Variants in MCC observed in about 807,000 individuals in gnomAD.
MCC encodes the protein colorectal mutant cancer protein.
Under a neutral mutation model 116.2 loss-of-function variants are expected in MCC, and 90 were observed. The ratio of observed to expected loss-of-function variants is 0.77; its 90% CI spans 0.65 to 0.92. The LOEUF is 0.92. Among genes scored for constraint, MCC ranks in the 40% least tolerant of loss-of-function variants. MCC has a pLI of 0.00. For synonymous variants in MCC, 578 were observed against 510.5 expected (o/e 1.13, Z -1.78); for missense variants, 1,516 against 1,312.2 (o/e 1.16, Z -2.40).
intron 3 of MCC, among the ~76,000 whole-genome samples, chr5:113,245,040 C>T (rs1335963644): frequency 6.6e-6 from 1 of 152,162 alleles, no homozygotes; most frequent in African/African-American, 2.4e-5. Context: ...AAAGCACATT[C>T]CAGCACTTTG....
At chr5:113,302,129 T>G (rs1055299320) in intron 3 of MCC, among the ~76,000 whole-genome samples, 9 of 152,322 alleles carry the variant, frequency 5.9e-5, no homozygotes, top group Middle Eastern at 3.4e-3. Flanking sequence ...ATTTAAGTAT[T>G]AGCATAATGG....
At chr5:113,083,069 A>G (rs917587019) in intron 10 of MCC, 61 bp from the exon 11 acceptor site, 167 of 1,500,614 alleles carry the variant, frequency 1.1e-4, no homozygotes, top group Middle Eastern at 3.5e-4. Flanking sequence ...CATGTTTTGC[A>G]TGCAAAAGAA....
At chr5:113,420,586 T>C (rs973898048) in intron 1 of MCC, among the ~76,000 whole-genome samples, 5 of 152,178 alleles carry the variant, frequency 3.3e-5, no homozygotes, top group Non-Finnish European at 7.4e-5. Context: ...GAACCAAAAC[T>C]AAGAATCCAC....
intron 3 of MCC, among the ~76,000 whole-genome samples, chr5:113,292,464 G>A (rs575568679): frequency 6.6e-6 from 1 of 152,264 alleles, no homozygotes; most frequent in East Asian, 1.9e-4. Context: ...ACAATATTAT[G>A]TCATATACTG....
intron 17 of MCC, among the ~76,000 whole-genome samples, chr5:113,043,209 A>G (rs1462044357): frequency 6.6e-6 from 1 of 152,246 alleles, no homozygotes; most frequent in East Asian, 1.9e-4. Context: ...ACAAGGTAAG[A>G]GTGCCTGTTT....
intron 2 of MCC, among the ~76,000 whole-genome samples, chr5:113,373,463 CTCTG>C (rs1180241768): frequency 5.9e-5 from 9 of 152,166 alleles, no homozygotes; most frequent in African/African-American, 1.9e-4. Flanking sequence ...CTATTGATTA[CTCTG>C]TCTTAGATGT....
At chr5:113,477,831 T>C (rs191794505) in intron 1 of MCC, among the ~76,000 whole-genome samples, 140 of 151,964 alleles carry the variant, frequency 9.2e-4, no homozygotes, top group African/African-American at 3.3e-3. Flanking sequence ...CACAACAAAG[T>C]ATAGGAAAAC....
At chr5:113,083,675 C>T (rs1250891130) in intron 10 of MCC, among the ~76,000 whole-genome samples, 1 of 152,152 alleles carries the variant, frequency 6.6e-6, no homozygotes, top group African/African-American at 2.4e-5. Context: ...TGGTCTTTCC[C>T]ACCACTGGGC....
At chr5:113,039,636 T>C (rs1323778697) in intron 17 of MCC, among the ~76,000 whole-genome samples, 1 of 151,956 alleles carries the variant, frequency 6.6e-6, no homozygotes, top group African/African-American at 2.4e-5. Context: ...ATAGAGAATG[T>C]AGAAACATGC....
rs774721355 is a variant in MCC at position 113,071,118 on chromosome 5, G to A, written c.1901C>T (p.Ala634Val). ...CCTGTACTGCAAGGCCAGCCTCAGCGCTGTGGCATTGGATTCGTATTTTCC... is the reference window on the plus strand; with the variant it reads ...CCTGTACTGCAAGGCCAGCCTCAGCACTGTGGCATTGGATTCGTATTTTCC... ...LVGKYESNAT[A>V]LRLALQYSEQ... Residue 634 changes from alanine (A) to valine (V), a missense_variant, in exon 12 of 19, where the codon GCG becomes GTG. Transcript: ENST00000408903. The A allele has an allele frequency of 1.1e-5, 17 of 1,612,064 alleles. No individual in the cohort carries two copies. The highest frequency in any genetic ancestry group is 2.7e-5 in the African/African-American group (2 of 74,288).
At position 113,085,310 on chromosome 5, in the gene MCC, C is replaced by T. The variant is rs769115785; in HGVS notation, c.1399G>A (p.Val467Ile). 7 of 1,608,192 alleles carry T rather than the reference C, an allele frequency of 4.4e-6. No homozygotes were observed. The Admixed American group carries it at 1.0e-4, about 23-fold the overall frequency. The change falls in exon 9 of 19, where the codon GTC (valine) becomes ATC (isoleucine). Residue 467 changes from valine (V) to isoleucine (I), a missense_variant and splice_region_variant. Coordinates refer to ENST00000408903, the MANE Select transcript of MCC (RefSeq NM_001085377.2). The part of the protein sequence containing the change: ...REERDRLRRR[V>I]RELQTRLQSV... ...TGTAGTCGAGTTTGAAGCTCTCTGA[C>T]CTGAAATCATAATGCTTTTAGACAT...
rs138062204 is a variant in MCC at position 113,208,449 on chromosome 5, C to G, written c.628-57027G>C. On this transcript the variant is annotated intron_variant, in intron 3 of 18. Transcript: ENST00000408903. Reference sequence around the variant, plus strand: ...TGCAGCTGGACTCCTGGAAGGCTCTCCCTGCCTTGGGATGCTGCCCCGTAT... The same window carrying G: ...TGCAGCTGGACTCCTGGAAGGCTCTGCCTGCCTTGGGATGCTGCCCCGTAT... Among the ~76,000 whole-genome samples the G allele has an allele frequency of 3.0e-3, 452 of 152,226 alleles. 2 individuals carry two copies. The highest frequency in any genetic ancestry group is 0.011 in the African/African-American group (445 of 41,540).
chr5:113,187,509 G>C (rs1176261828), intron 3 of MCC, among the ~76,000 whole-genome samples: 2 of 152,220 alleles, frequency 1.3e-5, no homozygotes, highest in East Asian at 1.9e-4. Context: ...GCTTAGTCAA[G>C]AGTTTTCCAT....
intron 4 of MCC, among the ~76,000 whole-genome samples, chr5:113,147,193 C>G (rs888053689): frequency 2.0e-5 from 3 of 152,152 alleles, no homozygotes; most frequent in African/African-American, 7.2e-5. Context: ...GTGAAATTGC[C>G]TATATGCAAA....
At chr5:113,290,487 A>G (rs535373462) in intron 3 of MCC, among the ~76,000 whole-genome samples, 3 of 152,230 alleles carry the variant, frequency 2.0e-5, no homozygotes, top group African/African-American at 7.2e-5. Flanking sequence ...ATTTTTGTAC[A>G]TAAATAGGCA....
chr5:113,073,878 G>A (rs1754225495), intron 11 of MCC, among the ~76,000 whole-genome samples: 1 of 152,212 alleles, frequency 6.6e-6, no homozygotes, highest in South Asian at 2.1e-4. Flanking sequence ...CAAAGTGGCT[G>A]GGAAGCTCAA....
intron 3 of MCC, among the ~76,000 whole-genome samples, chr5:113,187,700 AG>A (rs1581223411): frequency 6.6e-6 from 1 of 150,392 alleles, no homozygotes; most frequent in African/African-American, 2.5e-5. Flanking sequence ...GCTTGCAGTG[AG>A]CCCAGATCGC....
intron 1 of MCC, among the ~76,000 whole-genome samples, chr5:113,457,167 G>C (rs11750449): frequency 0.32 from 48,916 of 152,116 alleles, 9,822 homozygotes; most frequent in African/African-American, 0.55. Context: ...GCGGGAACCG[G>C]GGCTGCCTGC....
At chr5:113,379,453 T>C (rs906452714) in intron 2 of MCC, among the ~76,000 whole-genome samples, 4 of 152,224 alleles carry the variant, frequency 2.6e-5, no homozygotes, top group African/African-American at 9.6e-5. Flanking sequence ...TTCCCTATAA[T>C]GTTTGTGTTA....
Sources: allele counts gnomAD v4.1 joint callset (sites outside exome capture counted in the v4.1 genomes callset), GRCh38; gene constraint gnomAD v4.1.1; transcripts MANE v1.5; gene names NCBI Gene and HGNC (gene_info 2026-07-23, HGNC 2026-07-21).